Variants in AGAP1 observed in about 807,000 individuals in gnomAD.
AGAP1 encodes arf-GAP with GTPase, ANK repeat and PH domain-containing protein 1.
Under a neutral mutation model 105.3 loss-of-function variants are expected in AGAP1, and 29 were observed. The ratio of observed to expected loss-of-function variants is 0.28; its 90% CI spans 0.21 to 0.38. AGAP1 has a LOEUF of 0.38. Among genes scored for constraint, AGAP1 ranks in the 10% least tolerant of loss-of-function variants. AGAP1 has a pLI of 1.00. For missense variants in AGAP1, 998 were observed against 1,165.1 expected (o/e 0.86, Z 2.09); for synonymous variants, 509 against 485.9 (o/e 1.05, Z -0.63).
intron 1 of AGAP1, among the ~76,000 whole-genome samples, chr2:235,510,230 C>A (rs1175146569): frequency 6.6e-6 from 1 of 152,188 alleles, no homozygotes; most frequent in Non-Finnish European, 1.5e-5. Flanking sequence ...CCCCTGCCTC[C>A]CTTCAGTGGG....
At chr2:235,650,744 A>C (rs1011849038) in intron 1 of AGAP1, among the ~76,000 whole-genome samples, 2 of 152,198 alleles carry the variant, frequency 1.3e-5, no homozygotes, top group African/African-American at 4.8e-5. Context: ...TGCAGATTGC[A>C]AATCTGTGAG....
chr2:235,658,464 A>T (rs1415283104), intron 1 of AGAP1, among the ~76,000 whole-genome samples: 1 of 152,200 alleles, frequency 6.6e-6, no homozygotes, highest in Non-Finnish European at 1.5e-5. Context: ...GTATTAGCAA[A>T]GAGACATCTA....
In AGAP1 at chr2:236,056,611, C is replaced by T. The variant is rs980422570; in HGVS notation, c.2114+7330C>T. Among the ~76,000 whole-genome samples, 5 of 152,200 alleles carry T rather than the reference C, an allele frequency of 3.3e-5. No individual in the cohort carries two copies. The highest frequency in any genetic ancestry group is 3.3e-4 in the Admixed American group (5 of 15,280). On this transcript the variant is annotated intron_variant, in intron 16 of 17. Transcript: ENST00000304032. This position sits in a 1 kb window ranked among gnomAD's most constrained non-coding sequence, Gnocchi z 4.6. ...CCTCTATTTTGATTCCTCCAGCAGT[C>T]AAGCATTTTCCAAAGGGCCCTGTCT... is the stretch of plus-strand genomic sequence containing the variant.
intron 13 of AGAP1, among the ~76,000 whole-genome samples, chr2:236,026,902 G>A (rs890102065): frequency 6.6e-6 from 1 of 152,186 alleles, no homozygotes; most frequent in African/African-American, 2.4e-5. Flanking sequence ...GATTCCCAAG[G>A]AGAGCTCCTT....
intron 16 of AGAP1, among the ~76,000 whole-genome samples, chr2:236,112,021 G>A (rs1576332543): frequency 2.0e-5 from 3 of 152,100 alleles, no homozygotes; most frequent in African/African-American, 7.2e-5. Flanking sequence ...TCTTCCCTCG[G>A]GCTTTTACCC....
rs867148733 is a variant in AGAP1, at chr2:235,714,884, G to A, written c.223-2673G>A. 5.3e-5 allele frequency among the ~76,000 whole-genome samples: 8 copies of A among 151,988 alleles called. No individual in the cohort carries two copies. The South Asian group carries it at 1.2e-3, about 24-fold the overall frequency. ...TGTATCTCGGCTCACTGCAACCTCC[G>A]CCTCCTGGGTTCAGGCGATTCTCCT... On this transcript the variant is annotated intron_variant, in intron 2 of 17. Transcript: ENST00000304032. This position sits in a 1 kb window ranked among gnomAD's most constrained non-coding sequence, Gnocchi z 4.1.
Position 236,036,634 on chromosome 2 carries a change from T to C in AGAP1, c.1719T>C (p.Tyr573=), listed in dbSNP as rs759968996. The C allele has an allele frequency of 3.1e-6, 5 of 1,614,162 alleles. No homozygotes were observed. The highest frequency in any genetic ancestry group is 1.7e-5 in the Admixed American group (1 of 60,020). The change falls in exon 14 of 18, where the codon TAT becomes TAC. Residue 573 remains tyrosine, a synonymous_variant. Coordinates refer to ENST00000304032, the MANE Select transcript of AGAP1 (RefSeq NM_001037131.3). The surrounding 1 kb of genome is among the most constrained non-coding windows in gnomAD (Gnocchi z 5.7). The part of the protein sequence containing the change: ...GQTWHFEATT[Y]EERDAWVQAI... The stretch of plus-strand genomic sequence containing the variant: ...CATGGCACTTTGAAGCCACGACGTA[T>C]GAGGAGCGGGACGCCTGGGTCCAAG...
rs187760264 is a variant in AGAP1 at position 235,894,105 on chromosome 2, A to C, written c.1155+10656A>C. On this transcript the variant is annotated intron_variant, in intron 10 of 17. Coordinates refer to ENST00000304032, the MANE Select transcript of AGAP1 (RefSeq NM_001037131.3). ...GGAGATTGTACGGATATTAAAGAAC[A>C]AAGATCTGGAACTATGGCAACAAAC... is the stretch of plus-strand genomic sequence containing the variant. Among the ~76,000 whole-genome samples, 128 of 152,346 alleles carry C rather than the reference A, an allele frequency of 8.4e-4. 2 individuals are homozygous for C. The highest frequency in any genetic ancestry group is 2.9e-3 in the African/African-American group (122 of 41,580).
chr2:235,799,513 C>A lies in AGAP1; in HGVS notation c.948C>A (p.Asn316Lys), dbSNP rs1364689580. The A allele has an allele frequency of 6.2e-7, 1 of 1,614,120 alleles. No individual in the cohort carries two copies. The highest frequency in any genetic ancestry group is 1.1e-5 in the South Asian group (1 of 91,074). ...GCAAGCAGTCTAAGCGCCGGTCCAA[C>A]CTGTTCACCGTGAGTGTCAACCCTG... ...PVRKQSKRRS[N>K]LFTSRKGSDP... The change falls in exon 8 of 18, where the codon AAC (asparagine) becomes AAA (lysine). Residue 316 changes from asparagine to lysine, a missense_variant. Physicochemically the swap from Asn to Lys is moderately conservative, Grantham distance 94. Around this residue, in one of 3 missense-constraint regions of AGAP1, gnomAD observed 735 missense variants for 833.4 expected, o/e 0.88. Transcript: ENST00000304032. The surrounding 1 kb of genome is among the most constrained non-coding windows in gnomAD (Gnocchi z 5.0).
At chr2:236,057,424 A>G (rs1173181629) in intron 16 of AGAP1, among the ~76,000 whole-genome samples, 1 of 152,162 alleles carries the variant, frequency 6.6e-6, no homozygotes. Context: ...TCGACCTTAC[A>G]AGTCACACAG....
chr2:235,507,223 T>G (rs1941857724), intron 1 of AGAP1: 1 of 152,718 alleles, frequency 6.5e-6, no homozygotes, highest in Non-Finnish European at 1.5e-5. Context: ...AAGGAGTTTT[T>G]GTCTCTGTCA....
rs1052427835 is a variant in AGAP1, at chr2:235,989,457, G to A, written c.1645+20834G>A. ...CGATGGTGATGAGTGTAGGGGAGAG[G>A]TGGGTGCTGGGACAGGATGAGCTGG... On this transcript the variant is annotated intron_variant, in intron 13 of 17. Coordinates refer to ENST00000304032, the MANE Select transcript of AGAP1 (RefSeq NM_001037131.3). This position sits in a 1 kb window ranked among gnomAD's most constrained non-coding sequence, Gnocchi z 4.4. Among the ~76,000 whole-genome samples, 3 of 152,048 alleles carry A rather than the reference G, an allele frequency of 2.0e-5. No homozygotes were observed. The highest frequency in any genetic ancestry group is 4.4e-5 in the Non-Finnish European group (3 of 67,992).
rs1950925861 is a variant in AGAP1, at chr2:235,712,963, T to G, written c.222+3726T>G. On this transcript the variant is annotated intron_variant, in intron 2 of 17. Transcript: ENST00000304032. The surrounding 1 kb of genome is among the most constrained non-coding windows in gnomAD (Gnocchi z 6.0). Reference sequence around the variant, plus strand: ...CCACCAGCGTTTCAAATTAAAATGATGCCATCGTGTGTGACTGAGGTGGTC... The same window carrying G: ...CCACCAGCGTTTCAAATTAAAATGAGGCCATCGTGTGTGACTGAGGTGGTC... 6.6e-6 allele frequency among the ~76,000 whole-genome samples: 1 copy of G among 152,256 alleles called. No individual in the cohort carries two copies. Among genetic ancestry groups the G allele is most frequent in the Admixed American group, 6.5e-5 (1 of 15,286 alleles).
intron 1 of AGAP1, among the ~76,000 whole-genome samples, chr2:235,545,502 C>T (rs1943593612): frequency 6.6e-6 from 1 of 152,160 alleles, no homozygotes; most frequent in African/African-American, 2.4e-5. Context: ...GAAGTAGTAG[C>T]AGCTGGGGTT....
At position 236,036,775 on chromosome 2, in the gene AGAP1, A is replaced by AGGG. The variant is rs1239009691; in HGVS notation, c.1800+60_1800+61insGGG. On this transcript the variant is annotated intron_variant, in intron 14 of 17. Coordinates refer to ENST00000304032, the MANE Select transcript of AGAP1 (RefSeq NM_001037131.3). The surrounding 1 kb of genome is among the most constrained non-coding windows in gnomAD (Gnocchi z 5.7). The stretch of plus-strand genomic sequence containing the variant: ...GCTGCTCAGGGGGAGTGCGGGCCCC[A>AGGG]AGTAATGCCCCAGGGAGGAGAAAAT... 1 of 1,600,774 alleles carries AGGG rather than the reference A, an allele frequency of 6.2e-7. No individual in the cohort carries two copies. Among genetic ancestry groups the AGGG allele is most frequent in the Non-Finnish European group, 8.5e-7 (1 of 1,175,036 alleles).
chr2:235,834,895 C>T (rs770956928), intron 9 of AGAP1, among the ~76,000 whole-genome samples: 16 of 152,284 alleles, frequency 1.1e-4, no homozygotes, highest in East Asian at 1.9e-4. Context: ...GTCTTAATCA[C>T]GCCACGCAGG....
At chr2:235,742,181 G>A (rs542226742) in intron 4 of AGAP1, among the ~76,000 whole-genome samples, 2 of 152,160 alleles carry the variant, frequency 1.3e-5, no homozygotes, top group African/African-American at 4.8e-5. Flanking sequence ...GCATAGGATT[G>A]TAAGATGGAG....
In AGAP1 at chr2:236,044,188, G is replaced by A. The variant is rs547118675; in HGVS notation, c.1891+3347G>A. On this transcript the variant is annotated intron_variant, in intron 15 of 17. Transcript: ENST00000304032. This position sits in a 1 kb window ranked among gnomAD's most constrained non-coding sequence, Gnocchi z 5.7. The stretch of plus-strand genomic sequence containing the variant: ...GCAGCCTTCGGACACCTGTGCTTCC[G>A]GGGAGTACTGCTCTGAAGCTACCTG... Among the ~76,000 whole-genome samples, 30 of 152,272 alleles carry A rather than the reference G, an allele frequency of 2.0e-4. No homozygotes were observed. The highest frequency in any genetic ancestry group is 3.2e-4 in the Non-Finnish European group (22 of 68,018).
intron 9 of AGAP1, among the ~76,000 whole-genome samples, chr2:235,839,329 A>G (rs1314375476): frequency 6.6e-6 from 1 of 152,206 alleles, no homozygotes; most frequent in Non-Finnish European, 1.5e-5. Context: ...ACACATACAC[A>G]CGCACACACT....
Sources: gnomAD v4.1 joint callset for allele counts (sites outside exome capture counted in the v4.1 genomes callset) on GRCh38, gnomAD v4.1.1 for gene constraint, gnomAD v4.1.1 regional missense constraint, Gnocchi (gnomAD v3.1) non-coding constraint, MANE v1.5 for transcripts, NCBI Gene and HGNC (gene_info 2026-07-23, HGNC 2026-07-21) for gene names.